The following FAM227A variants were observed in gnomAD, a reference collection of about 807,000 sequenced individuals.
FAM227A encodes protein FAM227A.
A neutral mutation model predicts 74.7 loss-of-function variants in FAM227A; 80 were observed. That is an observed-to-expected ratio of 1.07 (90% confidence interval 0.89 to 1.29). FAM227A has a LOEUF of 1.29. FAM227A is among the 50% of genes most tolerant of loss of function. The pLI is 0.00. For synonymous variants in FAM227A, 237 were observed against 241.8 expected, an observed-to-expected ratio of 0.98 and a Z score of 0.19; for missense variants, 654 against 683.4, an observed-to-expected ratio of 0.96 and a Z score of 0.48.
chr22:38,613,255 ATATAT>A (rs1333141450), intron 11 of FAM227A, among the ~76,000 whole-genome samples: 80 of 73,658 alleles, frequency 1.1e-3, no homozygotes, highest in African/African-American at 2.7e-3. Flanking sequence ...AATATATAAC[ATATAT>A]TATAACATAT....
chr22:38,639,745 G>T (rs2092075185), intron 3 of FAM227A, 21 bp from the exon 4 acceptor site: 4 of 1,468,298 alleles, frequency 2.7e-6, no homozygotes, highest in East Asian at 2.5e-5. Context: ...CAAGAAAAAG[G>T]GGGGCATTAG....
At chr22:38,607,567 A>G in intron 11 of FAM227A, 91 bp from the exon 12 acceptor site, 1 of 864,158 alleles carries the variant, frequency 1.2e-6, no homozygotes, top group East Asian at 2.6e-5. Context: ...AAAAAGTAAT[A>G]CATGCAATTT....
intron 6 of FAM227A, among the ~76,000 whole-genome samples, chr22:38,633,565 T>C (rs1173622589): frequency 5.9e-5 from 9 of 152,154 alleles, no homozygotes; most frequent in Admixed American, 3.9e-4. Context: ...TTGTTTGAGA[T>C]GGAGTCTCAC....
At chr22:38,625,943 CAAA>C (rs141715277) in intron 9 of FAM227A, among the ~76,000 whole-genome samples, 7 of 71,516 alleles carry the variant, frequency 9.8e-5, no homozygotes, top group South Asian at 4.7e-4. Flanking sequence ...ACTCTATCTC[CAAA>C]AAAAAAAAAA....
intron 16 of FAM227A, among the ~76,000 whole-genome samples, chr22:38,589,742 T>G (rs1362122868): frequency 6.6e-6 from 1 of 152,074 alleles, no homozygotes; most frequent in African/African-American, 2.4e-5. Flanking sequence ...CAGGAAAAAT[T>G]CTCCAAAATT....
Position 38,583,286 on chromosome 22 carries a change from C to T in FAM227A, c.*2839G>A, listed in dbSNP as rs934118917. On this transcript the variant is annotated 3_prime_UTR_variant, in exon 17 of 17. Coordinates refer to ENST00000535113, the MANE Select transcript of FAM227A (RefSeq NM_001013647.2). The stretch of plus-strand genomic sequence containing the variant: ...CTCCCGGGTTCAAGTGATTCTCCTG[C>T]CTCAGCCTCCTGAGTAGCTGAGGTT... 1 of 190,224 alleles carries T rather than the reference C, an allele frequency of 5.3e-6. No homozygotes were observed. Among genetic ancestry groups the T allele is most frequent in the African/African-American group, 2.4e-5 (1 of 41,818 alleles). 11.8% of individuals were successfully genotyped at this position (190,224 alleles called of 1,614,324 possible). A position where few individuals can be genotyped will look rare whatever the true frequency, so the allele number is the denominator to read the frequency against.
At chr22:38,638,259 G>T (rs1270777032) in intron 5 of FAM227A, among the ~76,000 whole-genome samples, 3 of 152,214 alleles carry the variant, frequency 2.0e-5, no homozygotes, top group Non-Finnish European at 4.4e-5. Context: ...GCAGTGGGGA[G>T]AGCCTGTCTC....
intron 13 of FAM227A, among the ~76,000 whole-genome samples, chr22:38,604,441 GT>G (rs1188541181): frequency 1.3e-5 from 2 of 152,120 alleles, no homozygotes; most frequent in Non-Finnish European, 2.9e-5. Context: ...CTCTCACCCT[GT>G]TCTGGTCCCA....
Position 38,623,279 on chromosome 22 carries a change from C to T in FAM227A, c.851G>A (p.Gly284Asp), listed in dbSNP as rs1870393037. 1.3e-6 allele frequency: 2 copies of T among 1,548,686 alleles called. No individual in the cohort carries two copies. The highest frequency in any genetic ancestry group is 3.9e-5 in the Admixed American group (2 of 50,954). Residue 284 changes from glycine (G) to aspartate (D), a missense_variant and splice_region_variant, in exon 10 of 17, where the codon GGC becomes GAC. Gly to Asp is a moderately conservative substitution (Grantham distance 94). Coordinates refer to ENST00000535113, the MANE Select transcript of FAM227A (RefSeq NM_001013647.2). ...ICNTMSLWIS[G>D]TYPSPQSYDS... ...ATAGCTCTGTGGGCTAGGATAGGTGCCTAAGGGAGGAGTCAAGAGTGAGAA... is the reference window on the plus strand; with the variant it reads ...ATAGCTCTGTGGGCTAGGATAGGTGTCTAAGGGAGGAGTCAAGAGTGAGAA...
In FAM227A at chr22:38,607,488, AAGAG is replaced by A. The variant is rs778589027; in HGVS notation, c.1039-16_1039-13del. 2.0e-6 allele frequency: 3 copies of A among 1,485,630 alleles called. No homozygotes were observed. Among genetic ancestry groups the A allele is most frequent in the Non-Finnish European group, 2.8e-6 (3 of 1,087,904 alleles). The allele number at this position is 1,485,630 out of a possible 1,614,324, so 92.0% of individuals were successfully genotyped here. ...TTTGCACTAGAAGACTTCAGGAGAC[AAGAG>A]AGAGAAAGAGAGGGAGAAAGCGAGA... On this transcript the variant is annotated splice_polypyrimidine_tract_variant and intron_variant, in intron 11 of 16. Coordinates refer to ENST00000535113, the MANE Select transcript of FAM227A (RefSeq NM_001013647.2).
chr22:38,640,699 G>A (rs1479855684), intron 3 of FAM227A, among the ~76,000 whole-genome samples: 1 of 152,242 alleles, frequency 6.6e-6, no homozygotes, highest in Admixed American at 6.5e-5. Flanking sequence ...CTAAACTGCT[G>A]TGATTACGAA....
At position 38,583,113 on chromosome 22, in the gene FAM227A, C is replaced by A. The variant is rs1260138607; in HGVS notation, c.*3012G>T. On this transcript the variant is annotated 3_prime_UTR_variant, in exon 17 of 17. Coordinates refer to ENST00000535113, the MANE Select transcript of FAM227A (RefSeq NM_001013647.2). ...GTGAGAGAGTGTTCTGCTTATCTGC[C>A]CCACATGGTGCCTTGTACTCGGCAG... 1.4e-6 allele frequency: 1 copy of A among 703,716 alleles called. No homozygotes were observed. The allele number at this position is 703,716 out of a possible 1,614,324, so 43.6% of individuals were successfully genotyped here. A position where few individuals can be genotyped will look rare whatever the true frequency, so the allele number is the denominator to read the frequency against.
chr22:38,639,736 A>G lies in FAM227A; in HGVS notation c.226-12T>C. ...AATCTCTCAATTGCCTTCAAAAACC[A>G]AGAAAAAGGGGGGCATTAGGGATTA... On this transcript the variant is annotated splice_polypyrimidine_tract_variant and intron_variant, in intron 3 of 16. Coordinates refer to ENST00000535113, the MANE Select transcript of FAM227A (RefSeq NM_001013647.2). The G allele has an allele frequency of 6.6e-7, 1 of 1,521,182 alleles. No homozygotes were observed. The highest frequency in any genetic ancestry group is 8.9e-7 in the Non-Finnish European group (1 of 1,119,108). The allele number at this position is 1,521,182 out of a possible 1,614,324, so 94.2% of individuals were successfully genotyped here.
At position 38,650,208 on chromosome 22, in the gene FAM227A, C is replaced by T; in HGVS notation, c.-40G>A. 6.5e-7 allele frequency: 1 copy of T among 1,543,604 alleles called. No homozygotes were observed. The highest frequency in any genetic ancestry group is 8.8e-7 in the Non-Finnish European group (1 of 1,141,478). On this transcript the variant is annotated 5_prime_UTR_variant, in exon 2 of 17. In the 5' UTR this introduces an upstream ATG that the reference lacks. Transcript: ENST00000535113. ...TAAATGGACAAACAAAAAGCTTCCA[C>T]TTTTAAGAGCCTCTCATTTCCCACT...
chr22:38,599,952 G>A (rs2091136465), intron 13 of FAM227A, 31 bp from the exon 14 acceptor site: 1 of 1,514,832 alleles, frequency 6.6e-7, no homozygotes, highest in Middle Eastern at 1.7e-4. Context: ...AAAAATAAAG[G>A]ATATTGTCAT....
chr22:38,582,004 A>G lies in FAM227A; in HGVS notation c.*4121T>C. The G allele has an allele frequency of 4.7e-6, 1 of 213,684 alleles. No homozygotes were observed. The highest frequency in any genetic ancestry group is 9.3e-6 in the Non-Finnish European group (1 of 107,602). The allele number at this position is 213,684 out of a possible 1,614,324, so 13.2% of individuals were successfully genotyped here. A position where few individuals can be genotyped will look rare whatever the true frequency, so the allele number is the denominator to read the frequency against. On this transcript the variant is annotated 3_prime_UTR_variant, in exon 17 of 17. Coordinates refer to ENST00000535113, the MANE Select transcript of FAM227A (RefSeq NM_001013647.2). ...GCAATCCTCTTGCCTTGGCCTTCCA[A>G]AGTGCTGGGATTACAGGTGTGAGCC... is the stretch of plus-strand genomic sequence containing the variant.
Position 38,650,173 on chromosome 22 carries a change from C to T in FAM227A, c.-5G>A, listed in dbSNP as rs1326673516. 1.3e-6 allele frequency: 2 copies of T among 1,551,074 alleles called. No homozygotes were observed. Among genetic ancestry groups the T allele is most frequent in the East Asian group, 2.4e-5 (1 of 40,912 alleles). On this transcript the variant is annotated 5_prime_UTR_variant, in exon 2 of 17. Coordinates refer to ENST00000535113, the MANE Select transcript of FAM227A (RefSeq NM_001013647.2). ...CATCTTCCTGAAGTGATTCATTGTC[C>T]AATTTCTTGTAAATGGACAAACAAA...
intron 11 of FAM227A, chr22:38,618,484 G>A (rs958208871): frequency 4.6e-5 from 7 of 152,112 alleles, no homozygotes; most frequent in Non-Finnish European, 8.8e-5. Context: ...TGTTAGGGTG[G>A]TATGTGAACT....
At chr22:38,621,986 A>T (rs1453502609) in intron 10 of FAM227A, among the ~76,000 whole-genome samples, 1 of 152,008 alleles carries the variant, frequency 6.6e-6, no homozygotes, top group African/African-American at 2.4e-5. Context: ...CTAGATCATG[A>T]AGAGGTGAGG....
Sources: gnomAD v4.1 joint callset for allele counts (sites outside exome capture counted in the v4.1 genomes callset) on GRCh38, gnomAD v4.1.1 for gene constraint, MANE v1.5 for transcripts, NCBI Gene and HGNC (gene_info 2026-07-23, HGNC 2026-07-21) for gene names.